The following RALYL variants were observed in gnomAD, a reference collection of about 807,000 sequenced individuals.
RALYL encodes the protein RALY RNA binding protein like.
RALYL carries 29 observed loss-of-function variants against 35.1 expected under a neutral mutation model. The observed-to-expected ratio is 0.83, with a 90% confidence interval of 0.61 to 1.13. The LOEUF is 1.13. Among genes scored for constraint, RALYL ranks in the 50% most tolerant of loss-of-function variants. The pLI, the probability that RALYL is intolerant of heterozygous loss-of-function variation, is 0.00. For synonymous variants in RALYL, 120 were observed against 127.6 expected, an observed-to-expected ratio of 0.94 and a Z score of 0.40; for missense variants, 359 against 360.4, an observed-to-expected ratio of 1.00 and a Z score of 0.03.
At chr8:84,185,271 G>A (rs1044098721) in intron 1 of RALYL, 13 of 536,180 alleles carry the variant, frequency 2.4e-5, no homozygotes, top group Non-Finnish European at 3.7e-5. Context: ...TTTTGTTAAA[G>A]GGGCAGAGTT....
At chr8:84,594,086 C>G (rs751500128) in intron 2 of RALYL, among the ~76,000 whole-genome samples, 1 of 152,034 alleles carries the variant, frequency 6.6e-6, no homozygotes, top group Non-Finnish European at 1.5e-5. Flanking sequence ...TATTTAGCCT[C>G]CTTTACCTGC....
intron 1 of RALYL, among the ~76,000 whole-genome samples, chr8:84,191,346 T>G (rs1361657379): frequency 6.6e-6 from 1 of 152,176 alleles, no homozygotes; most frequent in African/African-American, 2.4e-5. Flanking sequence ...GGCTAACCTG[T>G]TACATAATAA....
chr8:84,735,429 T>C (rs1847075148), intron 2 of RALYL, among the ~76,000 whole-genome samples: 2 of 152,238 alleles, frequency 1.3e-5, no homozygotes, highest in South Asian at 2.1e-4. Flanking sequence ...AATTCTATTA[T>C]GCATGGCTTC....
At chr8:84,208,851 G>T (rs1818715393) in intron 1 of RALYL, among the ~76,000 whole-genome samples, 1 of 151,950 alleles carries the variant, frequency 6.6e-6, no homozygotes, top group Non-Finnish European at 1.5e-5. Context: ...CTTTCCTTTT[G>T]TGATATAAGA....
At chr8:84,326,693 A>AT in intron 1 of RALYL, among the ~76,000 whole-genome samples, 1 of 152,228 alleles carries the variant, frequency 6.6e-6, no homozygotes, top group Non-Finnish European at 1.5e-5. Flanking sequence ...TACATTAAGT[A>AT]TATTTTTATA....
At chr8:84,837,101 C>A (rs7006625) in intron 4 of RALYL, among the ~76,000 whole-genome samples, 139,742 of 152,186 alleles carry the variant, frequency 0.92, 64,291 homozygotes, top group African/African-American at 0.98. Flanking sequence ...CACTCACCAC[C>A]TCCTATTTCC....
chr8:84,868,219 T>G lies in RALYL; in HGVS notation c.572-5065T>G, dbSNP rs115130394. ...CTTTTTAAAGAACACTTAAAAAATTTTTTTAGAAATAGAGTATCACTCTGT... is the reference window on the plus strand; with the variant it reads ...CTTTTTAAAGAACACTTAAAAAATTGTTTTAGAAATAGAGTATCACTCTGT... On this transcript the variant is annotated intron_variant, in intron 6 of 8. Transcript: ENST00000521268. Among the ~76,000 whole-genome samples the G allele has an allele frequency of 2.1e-3, 317 of 152,246 alleles. 1 individual carries two copies. The highest frequency in any genetic ancestry group is 6.9e-3 in the African/African-American group (287 of 41,536).
At chr8:84,551,302 T>G (rs567845727) in intron 2 of RALYL, among the ~76,000 whole-genome samples, 1 of 152,250 alleles carries the variant, frequency 6.6e-6, no homozygotes, top group East Asian at 1.9e-4. Context: ...GCATTTCTTT[T>G]AAAAAATGAT....
At chr8:84,283,945 C>A (rs1180682610) in intron 1 of RALYL, among the ~76,000 whole-genome samples, 3 of 151,336 alleles carry the variant, frequency 2.0e-5, no homozygotes, top group Admixed American at 2.0e-4. Flanking sequence ...TAAATGGAAC[C>A]TTACATTAGA....
intron 1 of RALYL, among the ~76,000 whole-genome samples, chr8:84,255,780 G>T (rs183533908): frequency 2.0e-5 from 3 of 152,056 alleles, no homozygotes; most frequent in African/African-American, 4.8e-5. Context: ...ATGCACTTAT[G>T]TAGAGTTTTC....
rs760940857 is a variant in RALYL at position 84,841,434 on chromosome 8, TGCACCCAATACAGGA to T, written c.366-8538_366-8524del. On this transcript the variant is annotated intron_variant, in intron 4 of 8. Transcript: ENST00000521268. Reference sequence around the variant, plus strand: ...AAGAGCTAACTATCCTAAATATATATGCACCCAATACAGGAGCACCCAGATTCATACAGCAAGTCC... The same window carrying T: ...AAGAGCTAACTATCCTAAATATATATGCACCCAGATTCATACAGCAAGTCC... 7.2e-4 allele frequency among the ~76,000 whole-genome samples: 109 copies of T among 152,280 alleles called. 1 individual carries two copies. The East Asian group carries it at 0.017, about 24-fold the overall frequency.
chr8:84,483,850 A>C (rs1256876069), intron 1 of RALYL, among the ~76,000 whole-genome samples: 1 of 152,094 alleles, frequency 6.6e-6, no homozygotes. Flanking sequence ...ACTTTGGAAT[A>C]TTTCACATCT....
intron 1 of RALYL, among the ~76,000 whole-genome samples, chr8:84,396,495 G>A (rs1198609202): frequency 6.6e-6 from 1 of 151,978 alleles, no homozygotes; most frequent in African/African-American, 2.4e-5. Context: ...AAACATTAAA[G>A]AACCCTTGTT....
At chr8:84,495,571 A>T (rs1234608417) in intron 1 of RALYL, among the ~76,000 whole-genome samples, 1 of 152,104 alleles carries the variant, frequency 6.6e-6, no homozygotes, top group Non-Finnish European at 1.5e-5. Context: ...TTTTCCTGGC[A>T]TACGGAAGCT....
rs768986699 is a variant in RALYL, at chr8:84,873,361, C to A, written c.649C>A (p.Leu217Met). Residue 217 changes from leucine (L) to methionine (M), a missense_variant, in exon 7 of 9, where the codon CTG (leucine) becomes ATG (methionine). By Grantham distance (15) the Leu-to-Met change is conservative (BLOSUM62 2). Transcript: ENST00000521268. ...KTKIDSLLGR[L>M]EKIEKQQKAE... ...TAAAATTGACTCCTTGCTAGGGCGC[C>A]TGGAGAAGATTGAGAAACAGCAGAA... is the stretch of plus-strand genomic sequence containing the variant. 7 of 1,600,840 alleles carry A rather than the reference C, an allele frequency of 4.4e-6. No individual in the cohort carries two copies. The highest frequency in any genetic ancestry group is 3.4e-6 in the Non-Finnish European group (4 of 1,173,504).
At chr8:84,765,663 G>A (rs978248729) in intron 2 of RALYL, among the ~76,000 whole-genome samples, 6 of 151,930 alleles carry the variant, frequency 3.9e-5, no homozygotes, top group Admixed American at 6.6e-5. Context: ...GGTTATGTCC[G>A]TTCACTTGTC....
At chr8:84,863,345 G>T (rs1311621545) in intron 6 of RALYL, among the ~76,000 whole-genome samples, 1 of 152,150 alleles carries the variant, frequency 6.6e-6, no homozygotes, top group African/African-American at 2.4e-5. Context: ...ACCTTAAATT[G>T]AATAGTCAAG....
chr8:84,455,623 C>CA (rs1228656330), intron 1 of RALYL, among the ~76,000 whole-genome samples: 5 of 151,996 alleles, frequency 3.3e-5, no homozygotes, highest in Non-Finnish European at 7.4e-5. Context: ...TAATAGAAGA[C>CA]AAAGTCAATC....
intron 1 of RALYL, among the ~76,000 whole-genome samples, chr8:84,301,511 C>A (rs1840778468): frequency 6.6e-6 from 1 of 152,068 alleles, no homozygotes; most frequent in Admixed American, 6.6e-5. Flanking sequence ...CCATTTCTTA[C>A]TTTTAACGAT....
Sources: allele counts gnomAD v4.1 joint callset (sites outside exome capture counted in the v4.1 genomes callset), GRCh38; gene constraint gnomAD v4.1.1; transcripts MANE v1.5; gene names NCBI Gene and HGNC (gene_info 2026-07-23, HGNC 2026-07-21).